MYO10: variants seen among roughly 807,000 people sequenced by gnomAD.
MYO10 encodes the protein myosin X.
Under a neutral mutation model 257.3 loss-of-function variants are expected in MYO10, and 133 were observed. The observed-to-expected ratio is 0.52, with a 90% CI of 0.45 to 0.60. MYO10 has a LOEUF of 0.60. Ranked by LOEUF, MYO10 falls within the 20% of genes least tolerant of loss-of-function variation. The pLI is 0.00. For synonymous variants in MYO10, 1,104 were observed against 1,028.6 expected (o/e 1.07, Z -1.40); for missense variants, 2,399 against 2,635.7 (o/e 0.91, Z 1.97).
chr5:16,775,641 C>T (rs1741190432), intron 9 of MYO10, among the ~76,000 whole-genome samples: 1 of 152,112 alleles, frequency 6.6e-6, no homozygotes, highest in Non-Finnish European at 1.5e-5. Context: ...CTTGCTCTGT[C>T]GCCCAGGCTG....
chr5:16,829,902 C>CAT (rs780650596), intron 2 of MYO10, among the ~76,000 whole-genome samples: 1 of 137,568 alleles, frequency 7.3e-6, no homozygotes, highest in African/African-American at 2.8e-5. Flanking sequence ...CACACACACA[C>CAT]GCACACGCAC....
At chr5:16,929,249 G>A (rs1013823668) in intron 1 of MYO10, among the ~76,000 whole-genome samples, 5 of 152,040 alleles carry the variant, frequency 3.3e-5, no homozygotes, top group East Asian at 1.9e-4. Context: ...CACTGCACCC[G>A]GCCAAATCAG....
rs115472715 is a variant in MYO10, at chr5:16,851,348, T to C, written c.120+26261A>G. Among the ~76,000 whole-genome samples the C allele has an allele frequency of 2.8e-3, 424 of 152,304 alleles. 7 individuals are homozygous for C. Among genetic ancestry groups the C allele is most frequent in the African/African-American group, 9.9e-3 (411 of 41,556 alleles). On this transcript the variant is annotated intron_variant, in intron 2 of 40. Coordinates refer to ENST00000513610, the MANE Select transcript of MYO10 (RefSeq NM_012334.3). ...TATGCTAGTTAGCTTGGTTTTATACTGGAAAGTAAGGTCTCCAGTACTGAC... is the reference window on the plus strand; with the variant it reads ...TATGCTAGTTAGCTTGGTTTTATACCGGAAAGTAAGGTCTCCAGTACTGAC...
chr5:16,793,613 G>A lies in MYO10; in HGVS notation c.467+1033C>T, dbSNP rs187992334. Among the ~76,000 whole-genome samples, 182 of 152,280 alleles carry A rather than the reference G, an allele frequency of 1.2e-3. 1 individual carries two copies. Among genetic ancestry groups the A allele is most frequent in the Admixed American group, 6.2e-3 (94 of 15,278 alleles). The stretch of plus-strand genomic sequence containing the variant: ...GCTGGGAGTACAAGTGTGAGCCATT[G>A]TGCCCAGCCAATAAATATTTATTTT... On this transcript the variant is annotated intron_variant, in intron 4 of 40. Coordinates refer to ENST00000513610, the MANE Select transcript of MYO10 (RefSeq NM_012334.3).
chr5:16,677,147 C>T (rs908335835), intron 33 of MYO10, among the ~76,000 whole-genome samples: 1 of 152,032 alleles, frequency 6.6e-6, no homozygotes, highest in African/African-American at 2.4e-5. Context: ...ACTTTTAGAA[C>T]CTTAAATAAA....
At chr5:16,909,935 G>A (rs1019780664) in intron 1 of MYO10, among the ~76,000 whole-genome samples, 2 of 152,006 alleles carry the variant, frequency 1.3e-5, no homozygotes, top group East Asian at 1.9e-4. Flanking sequence ...ATCTGCATAC[G>A]GAGACTCCTC....
chr5:16,894,758 G>A (rs543536574), intron 1 of MYO10, among the ~76,000 whole-genome samples: 23 of 152,276 alleles, frequency 1.5e-4, no homozygotes, highest in African/African-American at 5.3e-4. Context: ...ACTAATGTGG[G>A]GATACACAGA....
intron 1 of MYO10, among the ~76,000 whole-genome samples, chr5:16,894,100 T>C (rs1745154567): frequency 6.6e-6 from 1 of 152,226 alleles, no homozygotes; most frequent in Non-Finnish European, 1.5e-5. Flanking sequence ...CCTGTTCTTA[T>C]ATCTTACATA....
At chr5:16,860,645 T>C (rs979986837) in intron 2 of MYO10, among the ~76,000 whole-genome samples, 15 of 151,744 alleles carry the variant, frequency 9.9e-5, no homozygotes, top group African/African-American at 3.4e-4. Flanking sequence ...CTTGAGAGGA[T>C]GGGAGAAGGA....
chr5:16,690,711 C>T (rs915550193), intron 27 of MYO10, among the ~76,000 whole-genome samples: 5 of 152,122 alleles, frequency 3.3e-5, no homozygotes, highest in Admixed American at 2.0e-4. Context: ...AGGGCATCTG[C>T]GTCTGAATTC....
intron 19 of MYO10, among the ~76,000 whole-genome samples, chr5:16,750,088 A>C (rs994297159): frequency 3.9e-5 from 6 of 152,138 alleles, no homozygotes; most frequent in Non-Finnish European, 4.4e-5. Context: ...TTACCAACGA[A>C]AACTCGTGGA....
chr5:16,852,353 A>T (rs1418868292), intron 2 of MYO10, among the ~76,000 whole-genome samples: 1 of 152,038 alleles, frequency 6.6e-6, no homozygotes, highest in Non-Finnish European at 1.5e-5. Flanking sequence ...GTATAGAAAA[A>T]GTTCTTCTCC....
intron 1 of MYO10, among the ~76,000 whole-genome samples, chr5:16,912,918 C>T (rs1231880613): frequency 2.0e-5 from 3 of 149,824 alleles, no homozygotes; most frequent in African/African-American, 4.9e-5. Context: ...TGGGATGATT[C>T]CTAAGCTACA....
chr5:16,847,423 CAAA>C (rs34084990), intron 2 of MYO10, among the ~76,000 whole-genome samples: 17,431 of 134,260 alleles, frequency 0.13, 1,180 homozygotes, highest in East Asian at 0.29. Flanking sequence ...GACTCCACCT[CAAA>C]AAAAAAAAAA....
chr5:16,822,536 C>G (rs1742851992), intron 2 of MYO10, among the ~76,000 whole-genome samples: 1 of 152,082 alleles, frequency 6.6e-6, no homozygotes, highest in Non-Finnish European at 1.5e-5. Context: ...ATCAGGTATT[C>G]AGGGGCAGCC....
intron 1 of MYO10, among the ~76,000 whole-genome samples, chr5:16,906,556 A>G (rs1199661300): frequency 1.3e-5 from 2 of 152,202 alleles, no homozygotes; most frequent in Non-Finnish European, 2.9e-5. Context: ...TCCCACCTGG[A>G]AACAACTTTA....
intron 2 of MYO10, among the ~76,000 whole-genome samples, chr5:16,839,590 A>T (rs1465368494): frequency 1.3e-5 from 2 of 152,080 alleles, no homozygotes; most frequent in African/African-American, 4.8e-5. Context: ...AAAAAATACA[A>T]AAATTAGCCA....
At chr5:16,724,134 G>A (rs898732713) in intron 19 of MYO10, among the ~76,000 whole-genome samples, 4 of 152,136 alleles carry the variant, frequency 2.6e-5, no homozygotes, top group Non-Finnish European at 5.9e-5. Context: ...TAAATGAATC[G>A]ACCTCACTAA....
intron 3 of MYO10, among the ~76,000 whole-genome samples, chr5:16,813,643 T>G (rs1203102664): frequency 6.6e-6 from 1 of 151,630 alleles, no homozygotes; most frequent in African/African-American, 2.4e-5. Context: ...CCATCCACAC[T>G]CATCCCAGAG....
Sources: allele counts gnomAD v4.1 joint callset (sites outside exome capture counted in the v4.1 genomes callset), GRCh38; gene constraint gnomAD v4.1.1; transcripts MANE v1.5; gene names NCBI Gene and HGNC (gene_info 2026-07-23, HGNC 2026-07-21).